PEBP4: variants seen among roughly 807,000 people sequenced by gnomAD.
PEBP4 encodes the protein phosphatidylethanolamine binding protein 4, also known as phosphatidylethanolamine-binding protein 4.
PEBP4 carries 22 observed loss-of-function variants against 23.9 expected under a neutral mutation model. The observed-to-expected ratio is 0.92, with a 90% CI of 0.66 to 1.31. The LOEUF is 1.31. PEBP4 is among the 40% of genes most tolerant of loss of function. The pLI is 0.00. For missense variants in PEBP4, 324 were observed against 281.7 expected (o/e 1.15, Z -1.07); for synonymous variants, 112 against 99.3 (o/e 1.13, Z -0.76).
chr8:22,720,191 A>G (rs1386589244), intron 6 of PEBP4, among the ~76,000 whole-genome samples: 1 of 152,224 alleles, frequency 6.6e-6, no homozygotes, highest in Non-Finnish European at 1.5e-5. Flanking sequence ...TTAGAAATAC[A>G]AAAGAGATCA....
intron 4 of PEBP4, among the ~76,000 whole-genome samples, chr8:22,755,095 G>A (rs941061653): frequency 6.6e-6 from 1 of 152,190 alleles, no homozygotes; most frequent in Admixed American, 6.5e-5. Context: ...CCCGGGTTTC[G>A]AAACCACTCC....
At chr8:22,747,913 G>A (rs1019618649) in intron 4 of PEBP4, among the ~76,000 whole-genome samples, 4 of 152,206 alleles carry the variant, frequency 2.6e-5, no homozygotes, top group African/African-American at 7.2e-5. Context: ...GCCCAGGGCC[G>A]CGTGCAGGCT....
intron 3 of PEBP4, among the ~76,000 whole-genome samples, chr8:22,860,715 C>T (rs989015744): frequency 3.3e-5 from 5 of 152,184 alleles, no homozygotes; most frequent in Non-Finnish European, 7.3e-5. Flanking sequence ...CAAGACCCTC[C>T]GTTACAAGTT....
chr8:22,937,798 A>G (rs1032883155), intron 1 of PEBP4, among the ~76,000 whole-genome samples: 125 of 150,548 alleles, frequency 8.3e-4, no homozygotes, highest in African/African-American at 2.8e-3. Context: ...ATGTGTATGT[A>G]TGTGTGTGTG....
chr8:22,725,086 G>A, intron 5 of PEBP4, 130 bp from the exon 6 acceptor site: 1 of 637,898 alleles, frequency 1.6e-6, no homozygotes, highest in Non-Finnish European at 2.8e-6. Flanking sequence ...CAAAACATTA[G>A]GATTTGTATT....
intron 6 of PEBP4, among the ~76,000 whole-genome samples, chr8:22,722,413 G>A (rs973355946): frequency 1.3e-5 from 2 of 152,208 alleles, no homozygotes; most frequent in Non-Finnish European, 2.9e-5. Flanking sequence ...TAACTAGAGA[G>A]AGGGGAGTCC....
chr8:22,937,884 G>A (rs1185237201), intron 1 of PEBP4, among the ~76,000 whole-genome samples: 1 of 152,062 alleles, frequency 6.6e-6, no homozygotes, highest in Non-Finnish European at 1.5e-5. Context: ...ATAGCCACAT[G>A]CAAAAGAATG....
intron 4 of PEBP4, among the ~76,000 whole-genome samples, chr8:22,796,803 AG>A (rs1263565286): frequency 6.6e-6 from 1 of 152,142 alleles, no homozygotes; most frequent in Non-Finnish European, 1.5e-5. Flanking sequence ...GGTGGGAGGG[AG>A]GGAGGCAGAA....
In PEBP4 at chr8:22,909,822, A is replaced by G. The variant is rs1808898762; in HGVS notation, c.258+10362T>C. On this transcript the variant is annotated intron_variant, in intron 3 of 6. Transcript: ENST00000256404. ...CATGCCTTCTGTGCTGGGTGGCTGC[A>G]AGGCTTAAGTCTGATACTGTTCATA... 2.0e-5 allele frequency among the ~76,000 whole-genome samples: 3 copies of G among 152,204 alleles called. No individual in the cohort carries two copies. In the South Asian group the frequency reaches 6.2e-4, roughly 32 times the overall value.
chr8:22,913,594 C>G (rs1808995720), intron 3 of PEBP4, among the ~76,000 whole-genome samples: 1 of 152,148 alleles, frequency 6.6e-6, no homozygotes, highest in Admixed American at 6.5e-5. Context: ...TCCTCCTCCT[C>G]TTCCCTCAGA....
At chr8:22,863,323 G>A (rs922704602) in intron 3 of PEBP4, among the ~76,000 whole-genome samples, 1 of 152,124 alleles carries the variant, frequency 6.6e-6, no homozygotes, top group African/African-American at 2.4e-5. Flanking sequence ...CCCATCTTCT[G>A]CACAGCTGGC....
chr8:22,927,785 GC>G lies in PEBP4; in HGVS notation c.-7+37del. 5 of 1,592,928 alleles carry G rather than the reference GC, an allele frequency of 3.1e-6. No individual in the cohort carries two copies. In the South Asian group the frequency reaches 4.5e-5, roughly 14 times the overall value. ...AGGGGCCTTCCTGCCCACTACCTGT[GC>G]CCCCGACCCCAGGGGCCCACTTGGC... On this transcript the variant is annotated intron_variant, in intron 1 of 6. Transcript: ENST00000256404.
chr8:22,931,155 C>T (rs1809449996), upstream of PEBP4, among the ~76,000 whole-genome samples: 2 of 152,190 alleles, frequency 1.3e-5, no homozygotes, highest in Admixed American at 1.3e-4. Flanking sequence ...TAAACCTTTC[C>T]ACATAGGCCC....
rs202112308 is a variant in PEBP4, at chr8:22,727,252, A to G, written c.358-32T>C. 151 of 1,611,030 alleles carry G rather than the reference A, an allele frequency of 9.4e-5. No individual in the cohort carries two copies. In the East Asian group the frequency reaches 3.3e-3, roughly 35 times the overall value. On this transcript the variant is annotated intron_variant, in intron 4 of 6. Transcript: ENST00000256404. ...GAAGAGACAAGCAGGGCTGTAGGTT[A>G]TGTCTTGGGCACACTTCAGGCCACG...
intron 4 of PEBP4, among the ~76,000 whole-genome samples, chr8:22,740,986 G>A (rs1267864814): frequency 1.3e-5 from 2 of 152,176 alleles, no homozygotes; most frequent in Non-Finnish European, 2.9e-5. Context: ...CGTGAGGAGG[G>A]AGGGTTGCTT....
intron 3 of PEBP4, among the ~76,000 whole-genome samples, chr8:22,822,966 T>G (rs539085216): frequency 6.6e-6 from 1 of 151,956 alleles, no homozygotes; most frequent in African/African-American, 2.4e-5. Context: ...TAATAATAAA[T>G]GTAAACAACA....
At chr8:22,788,929 A>G (rs528179998) in intron 4 of PEBP4, among the ~76,000 whole-genome samples, 2 of 152,240 alleles carry the variant, frequency 1.3e-5, no homozygotes, top group Non-Finnish European at 2.9e-5. Flanking sequence ...TGAGTAAATT[A>G]TAGTACATCC....
chr8:22,882,672 A>C (rs2128772687), intron 3 of PEBP4, among the ~76,000 whole-genome samples: 1 of 152,284 alleles, frequency 6.6e-6, no homozygotes, highest in South Asian at 2.1e-4. Flanking sequence ...CTGATCCTGG[A>C]GGGACTGCCC....
chr8:22,788,440 A>C (rs1806071913), intron 4 of PEBP4, among the ~76,000 whole-genome samples: 1 of 152,194 alleles, frequency 6.6e-6, no homozygotes, highest in African/African-American at 2.4e-5. Context: ...AAGGCCCTAG[A>C]AGCCCTGAGT....
Sources: allele counts gnomAD v4.1 joint callset (sites outside exome capture counted in the v4.1 genomes callset), GRCh38; gene constraint gnomAD v4.1.1; transcripts MANE v1.5; gene names NCBI Gene and HGNC (gene_info 2026-07-23, HGNC 2026-07-21).